The following KCNQ2 variants were observed in gnomAD, a reference collection of about 807,000 sequenced individuals.
The protein encoded by KCNQ2 is potassium voltage-gated channel subfamily KQT member 2.
In KCNQ2, 14 loss-of-function variants were observed where a neutral mutation model predicts 84.8. The observed-to-expected ratio is 0.17, with a 90% CI of 0.11 to 0.26. The LOEUF is 0.26. KCNQ2 is among the 10% of genes least tolerant of loss of function. The probability of loss-of-function intolerance (pLI) is 1.00; values close to 1 mark genes in which losing one functional copy is unlikely to be tolerated. For missense variants in KCNQ2, 788 were observed against 1,254.0 expected (o/e 0.63, Z 5.61); for synonymous variants, 599 against 554.1 (o/e 1.08, Z -1.14).
chr20:63,464,455 C>T (rs915191625), intron 1 of KCNQ2, among the ~76,000 whole-genome samples: 3 of 152,070 alleles, frequency 2.0e-5, no homozygotes, highest in Admixed American at 6.5e-5. Flanking sequence ...GAGCTCCCGT[C>T]GCCCCGTCCT....
At chr20:63,471,862 C>CCGTATCATTAA in intron 1 of KCNQ2, 1 of 351,022 alleles carries the variant, frequency 2.8e-6, no homozygotes, top group South Asian at 6.6e-5. Flanking sequence ...TTGTTCGGCG[C>CCGTATCATTAA]AGAGGCCGCG....
chr20:63,457,858 A>C, intron 1 of KCNQ2, among the ~76,000 whole-genome samples: 1 of 151,986 alleles, frequency 6.6e-6, no homozygotes, highest in Non-Finnish European at 1.5e-5. Context: ...AGGCCCTGGC[A>C]GGAAACCCGC....
rs2081079790 is a variant in KCNQ2, at chr20:63,438,859, A to T, written c.928-139T>A. ...CACTCCAGAGACTCACACACCCCCC[A>T]ATTCATCAGGGTCAGACCACGCCCC... On this transcript the variant is annotated intron_variant, in intron 6 of 16. Transcript: ENST00000359125. The surrounding 1 kb of genome is among the most constrained non-coding windows in gnomAD (Gnocchi z 5.1). The T allele has an allele frequency of 3.1e-6, 2 of 639,990 alleles. No individual in the cohort carries two copies. The highest frequency in any genetic ancestry group is 2.3e-5 in the Admixed American group (1 of 44,010). 39.6% of individuals were successfully genotyped at this position (639,990 alleles called of 1,614,324 possible). A position where few individuals can be genotyped will look rare whatever the true frequency, so the allele number is the denominator to read the frequency against.
At chr20:63,445,557 T>C in intron 2 of KCNQ2, 193 bp from the exon 3 acceptor site, 1 of 446,680 alleles carries the variant, frequency 2.2e-6, no homozygotes, top group East Asian at 4.3e-5. Flanking sequence ...CTGGAGACCC[T>C]GCATCCGGGA....
At chr20:63,441,093 G>C (rs1213759246) in intron 5 of KCNQ2, among the ~76,000 whole-genome samples, 2 of 104 alleles carry the variant, frequency 0.019, no homozygotes, top group South Asian at 0.33. Context: ...TCAGCCTCCC[G>C]AGTAGCTGGG....
At chr20:63,410,037 G>T in intron 15 of KCNQ2, 1 of 277,540 alleles carries the variant, frequency 3.6e-6, no homozygotes, top group Admixed American at 5.3e-5. Flanking sequence ...GAGGGTTTCA[G>T]GCTCGCGTCG....
chr20:63,447,259 G>A (rs900119190), intron 1 of KCNQ2: 18 of 246,268 alleles, frequency 7.3e-5, no homozygotes, highest in African/African-American at 1.6e-4. Flanking sequence ...TGGGGCAGAA[G>A]GCACCGATCA....
At position 63,408,558 on chromosome 20, in the gene KCNQ2, A is replaced by G. The variant is rs764637691; in HGVS notation, c.1764-22T>C. On this transcript the variant is annotated intron_variant, in intron 15 of 16. Coordinates refer to ENST00000359125, the MANE Select transcript of KCNQ2 (RefSeq NM_172107.4). This position sits in a 1 kb window ranked among gnomAD's most constrained non-coding sequence, Gnocchi z 5.0. ...CACTCTACCGGGAACAGAGACCCCAAAGCATGAGTTCGGGTGGGTGCAGCA... is the reference window on the plus strand; with the variant it reads ...CACTCTACCGGGAACAGAGACCCCAGAGCATGAGTTCGGGTGGGTGCAGCA... 9.9e-6 allele frequency: 16 copies of G among 1,609,450 alleles called. No individual in the cohort carries two copies. Among genetic ancestry groups the G allele is most frequent in the Non-Finnish European group, 1.4e-5 (16 of 1,178,924 alleles).
Position 63,438,586 on chromosome 20 carries a change from C to CA in KCNQ2, c.1023+38dup. ...ACTCCTCAACAAGGTGGGACCAGGA[C>CA]AAGGGCTGTGCTGGTCCCCGGGGGA... On this transcript the variant is annotated intron_variant, in intron 7 of 16. Coordinates refer to ENST00000359125, the MANE Select transcript of KCNQ2 (RefSeq NM_172107.4). This position sits in a 1 kb window ranked among gnomAD's most constrained non-coding sequence, Gnocchi z 5.1. 1 of 1,570,304 alleles carries CA rather than the reference C, an allele frequency of 6.4e-7. No homozygotes were observed. The highest frequency in any genetic ancestry group is 8.8e-7 in the Non-Finnish European group (1 of 1,141,392).
chr20:63,423,753 G>A (rs189018324), intron 11 of KCNQ2: 7 of 221,294 alleles, frequency 3.2e-5, no homozygotes, highest in Admixed American at 2.1e-4. Context: ...CCAGAGCAGC[G>A]GGAAGGCCAG....
chr20:63,439,835 C>T, intron 5 of KCNQ2, 127 bp from the exon 6 acceptor site: 1 of 743,348 alleles, frequency 1.3e-6, no homozygotes. Flanking sequence ...TCACCATCCA[C>T]ACGGAGGCCC....
intron 5 of KCNQ2, among the ~76,000 whole-genome samples, chr20:63,441,029 G>A (rs1008480202): frequency 3.3e-5 from 2 of 59,878 alleles, no homozygotes; most frequent in South Asian, 5.9e-4. Context: ...GTGCAGTGGC[G>A]TGATCCCGGC....
chr20:63,408,030 C>T lies in KCNQ2; in HGVS notation c.1887+383G>A. 1 of 303,388 alleles carries T rather than the reference C, an allele frequency of 3.3e-6. No individual in the cohort carries two copies. Among genetic ancestry groups the T allele is most frequent in the South Asian group, 3.3e-5 (1 of 30,094 alleles). The allele number at this position is 303,388 out of a possible 1,614,324, so 18.8% of individuals were successfully genotyped here. A position where few individuals can be genotyped will look rare whatever the true frequency, so the allele number is the denominator to read the frequency against. ...AAACAAGGGTCCTCTGCGGTGGTTCCTGAGAATGCACCCCCAGAAGACAGC... is the reference window on the plus strand; with the variant it reads ...AAACAAGGGTCCTCTGCGGTGGTTCTTGAGAATGCACCCCCAGAAGACAGC... On this transcript the variant is annotated intron_variant, in intron 16 of 16. Coordinates refer to ENST00000359125, the MANE Select transcript of KCNQ2 (RefSeq NM_172107.4). This position sits in a 1 kb window ranked among gnomAD's most constrained non-coding sequence, Gnocchi z 5.0.
intron 10 of KCNQ2, among the ~76,000 whole-genome samples, chr20:63,426,748 T>C (rs996273032): frequency 6.6e-6 from 1 of 152,002 alleles, no homozygotes; most frequent in Non-Finnish European, 1.5e-5. Context: ...CCCTCCAGCT[T>C]CCAACACCTG....
At chr20:63,454,474 A>G (rs1024429999) in intron 1 of KCNQ2, among the ~76,000 whole-genome samples, 5 of 152,070 alleles carry the variant, frequency 3.3e-5, no homozygotes, top group Admixed American at 6.6e-5. Flanking sequence ...CGTCTGGGGG[A>G]CGCAAAGATC....
chr20:63,468,520 G>A lies in KCNQ2; in HGVS notation c.296+3648C>T, dbSNP rs146767436. On this transcript the variant is annotated intron_variant, in intron 1 of 16. Coordinates refer to ENST00000359125, the MANE Select transcript of KCNQ2 (RefSeq NM_172107.4). The stretch of plus-strand genomic sequence containing the variant: ...GGGTGGGAAAGAGGCCCAGCGGCCT[G>A]TGCTCAGCACCACCCGAGTTCTCCA... Among the ~76,000 whole-genome samples the A allele has an allele frequency of 5.3e-5, 8 of 152,350 alleles. No individual in the cohort carries two copies. The East Asian group carries it at 1.5e-3, about 29-fold the overall frequency.
chr20:63,443,025 TCACATCAC>T (rs2081265617), intron 4 of KCNQ2, among the ~76,000 whole-genome samples: 3 of 28,082 alleles, frequency 1.1e-4, no homozygotes, highest in African/African-American at 1.4e-4. Context: ...ACCACCACCA[TCACATCAC>T]CACCACCATC....
chr20:63,419,344 G>A (rs1189876801), intron 12 of KCNQ2, among the ~76,000 whole-genome samples: 16 of 152,210 alleles, frequency 1.1e-4, no homozygotes, highest in East Asian at 3.8e-4. Flanking sequence ...AGGCACGGAC[G>A]CCTTGCTGGG....
In KCNQ2 at chr20:63,472,629, C is replaced by T. The variant is rs2082246762; in HGVS notation, c.-166G>A. On this transcript the variant is annotated 5_prime_UTR_variant, in exon 1 of 17. It adds an upstream start codon to the 5' untranslated region. Transcript: ENST00000359125. Reference sequence around the variant, plus strand: ...GCCGCGCGCGGAGACGCTGCGGCCACCTCGCTCCGCGCGCACCTCGGCGCC... The same window carrying T: ...GCCGCGCGCGGAGACGCTGCGGCCATCTCGCTCCGCGCGCACCTCGGCGCC... 6.2e-6 allele frequency: 2 copies of T among 324,428 alleles called. No homozygotes were observed. The highest frequency in any genetic ancestry group is 8.8e-6 in the Non-Finnish European group (2 of 226,830). The allele number at this position is 324,428 out of a possible 1,614,324, so 20.1% of individuals were successfully genotyped here.
Sources: gnomAD v4.1 joint callset for allele counts (sites outside exome capture counted in the v4.1 genomes callset) on GRCh38, gnomAD v4.1.1 for gene constraint, Gnocchi (gnomAD v3.1) non-coding constraint, MANE v1.5 for transcripts, NCBI Gene and HGNC (gene_info 2026-07-23, HGNC 2026-07-21) for gene names.